The following COL10A1 variants were observed in gnomAD, a reference collection of about 807,000 sequenced individuals.
The protein encoded by COL10A1 is collagen type X alpha 1 chain.
A neutral mutation model predicts 18.2 loss-of-function variants in COL10A1; 10 were observed. The ratio of observed to expected loss-of-function variants is 0.55; its 90% confidence interval spans 0.34 to 0.93. The LOEUF (loss-of-function observed/expected upper bound fraction) is 0.93, where lower values mean the gene tolerates loss of function less well. Ranked by LOEUF, COL10A1 falls within the 40% of genes least tolerant of loss-of-function variation. COL10A1 has a pLI of 0.02. For missense variants in COL10A1, 897 were observed against 853.5 expected (o/e 1.05, Z -0.64); for synonymous variants, 330 against 316.6 (o/e 1.04, Z -0.45).
At chr6:116,197,487 A>T in the COL10A1 span, among the ~76,000 whole-genome samples, 2 of 151,996 alleles carry the variant, frequency 1.3e-5, no homozygotes, top group Non-Finnish European at 2.9e-5. Context: ...ACCACCTTTT[A>T]CCTCTGCCAC....
chr6:116,185,867 A>C, the COL10A1 span, among the ~76,000 whole-genome samples: 1 of 152,022 alleles, frequency 6.6e-6, no homozygotes, highest in East Asian at 1.9e-4. Flanking sequence ...TTTACATTCA[A>C]CGTTAGTATT....
chr6:116,138,272 A>G (rs1779663346), intron 1 of COL10A1, among the ~76,000 whole-genome samples: 1 of 152,226 alleles, frequency 6.6e-6, no homozygotes, highest in Non-Finnish European at 1.5e-5. Context: ...ATCCTAGCCA[A>G]GATCACCATG....
chr6:116,134,229 CT>C (rs1779535024), intron 1 of COL10A1, among the ~76,000 whole-genome samples: 1 of 152,188 alleles, frequency 6.6e-6, no homozygotes, highest in African/African-American at 2.4e-5. Flanking sequence ...CAGACTTTTT[CT>C]GACCCTCTAT....
At chr6:116,186,385 T>G in the COL10A1 span, among the ~76,000 whole-genome samples, 1 of 151,712 alleles carries the variant, frequency 6.6e-6, no homozygotes, top group South Asian at 2.1e-4. Flanking sequence ...ATTTCCCAGG[T>G]GTTCTTCCCA....
At chr6:116,172,308 C>T in the COL10A1 span, among the ~76,000 whole-genome samples, 1 of 148,444 alleles carries the variant, frequency 6.7e-6, no homozygotes, top group Non-Finnish European at 1.5e-5. Context: ...TAGTATAACC[C>T]CTTAGTAACT....
chr6:116,121,631 C>T lies in COL10A1; in HGVS notation c.485G>A (p.Gly162Glu). The T allele has an allele frequency of 6.2e-7, 1 of 1,614,006 alleles. No homozygotes were observed. Among genetic ancestry groups the T allele is most frequent in the Non-Finnish European group, 8.5e-7 (1 of 1,179,904 alleles). Residue 162 changes from glycine (G) to glutamate (E), a missense_variant, in exon 3 of 3, where the codon GGA (glycine) becomes GAA (glutamate). Gly to Glu is a moderately conservative substitution (Grantham distance 98). Coordinates refer to ENST00000651968, the MANE Select transcript of COL10A1 (RefSeq NM_000493.4). ...CCTGGGTCCTGGGGCTCCTGTGGGT[C>T]CCTGTTGTCCAGGTTTTCCTGGCAC... ...ISVPGKPGQQ[G>E]PTGAPGPRGF...
the COL10A1 span, among the ~76,000 whole-genome samples, chr6:116,178,054 TGTGTGTG>T: frequency 1.7e-5 from 1 of 59,490 alleles, no homozygotes; most frequent in African/African-American, 1.5e-4. Context: ...AAGAGGAAAG[TGTGTGTG>T]TGTGTGTGTG....
At chr6:116,168,305 G>T in the COL10A1 span, among the ~76,000 whole-genome samples, 1 of 151,302 alleles carries the variant, frequency 6.6e-6, no homozygotes, top group Non-Finnish European at 1.5e-5. Context: ...TCTGCCTTTT[G>T]TTCTGTTTTC....
Position 116,119,862 on chromosome 6 carries a change from C to G in COL10A1, c.*211G>C. 1.8e-6 allele frequency: 1 copy of G among 562,402 alleles called. No individual in the cohort carries two copies. Among genetic ancestry groups the G allele is most frequent in the Non-Finnish European group, 3.1e-6 (1 of 318,120 alleles). The allele number at this position is 562,402 out of a possible 1,614,324, so 34.8% of individuals were successfully genotyped here. On this transcript the variant is annotated 3_prime_UTR_variant, in exon 3 of 3. Coordinates refer to ENST00000651968, the MANE Select transcript of COL10A1 (RefSeq NM_000493.4). ...AAAACCTTAAAGAGCCTTAAGATTGCTAACTAGAAATTCAAGAGAGGCTTC... is the reference window on the plus strand; with the variant it reads ...AAAACCTTAAAGAGCCTTAAGATTGGTAACTAGAAATTCAAGAGAGGCTTC...
chr6:116,168,571 C>G, the COL10A1 span, among the ~76,000 whole-genome samples: 1 of 152,142 alleles, frequency 6.6e-6, no homozygotes, highest in African/African-American at 2.4e-5. Context: ...AGTCTGTCTT[C>G]ATGCCATAGG....
intron 1 of COL10A1, among the ~76,000 whole-genome samples, chr6:116,135,969 C>T (rs1453360588): frequency 3.3e-5 from 5 of 150,796 alleles, no homozygotes; most frequent in Admixed American, 2.0e-4. Context: ...ACTCTTTTAG[C>T]GTATTTTAAG....
At chr6:116,194,340 C>G in the COL10A1 span, among the ~76,000 whole-genome samples, 1 of 151,976 alleles carries the variant, frequency 6.6e-6, no homozygotes, top group African/African-American at 2.4e-5. Context: ...ATATTCATAA[C>G]AGAGTAAACA....
chr6:116,169,061 A>C, the COL10A1 span, among the ~76,000 whole-genome samples: 2 of 152,170 alleles, frequency 1.3e-5, no homozygotes, highest in South Asian at 2.1e-4. Flanking sequence ...TTGTCCTCCA[A>C]GCCTCTTGAA....
At chr6:116,129,609 T>G (rs1483760806), upstream of COL10A1, among the ~76,000 whole-genome samples, 1 of 152,178 alleles carries the variant, frequency 6.6e-6, no homozygotes, top group Non-Finnish European at 1.5e-5. Context: ...GCATGAACGC[T>G]CTCTCCAGAT....
At chr6:116,173,400 G>A in the COL10A1 span, among the ~76,000 whole-genome samples, 4,753 of 152,258 alleles carry the variant, frequency 0.031, 266 homozygotes, top group African/African-American at 0.11. Context: ...AAACACTGAC[G>A]GTTCCTTCCA....
At chr6:116,186,814 G>T in the COL10A1 span, among the ~76,000 whole-genome samples, 1 of 151,616 alleles carries the variant, frequency 6.6e-6, no homozygotes, top group Non-Finnish European at 1.5e-5. Flanking sequence ...CTTTAAGTTG[G>T]ACTTGTGCCT....
the COL10A1 span, among the ~76,000 whole-genome samples, chr6:116,172,822 C>T: frequency 6.6e-6 from 1 of 151,982 alleles, no homozygotes; most frequent in Non-Finnish European, 1.5e-5. Flanking sequence ...TGAAATTTGA[C>T]CTTTAGGAAA....
At chr6:116,122,130 A>T (rs1030493040) in intron 2 of COL10A1, among the ~76,000 whole-genome samples, 169 bp from the exon 3 acceptor site, 2 of 152,228 alleles carry the variant, frequency 1.3e-5, no homozygotes, top group African/African-American at 2.4e-5. Context: ...ATACTGTTTT[A>T]AAAAATTCTG....
At chr6:116,133,925 GT>G (rs768451269) in intron 1 of COL10A1, among the ~76,000 whole-genome samples, 15 of 152,218 alleles carry the variant, frequency 9.9e-5, no homozygotes, top group African/African-American at 2.6e-4. Flanking sequence ...ATTAATAGTG[GT>G]TTTTTTCCCC....
Sources: gnomAD v4.1 joint callset for allele counts (sites outside exome capture counted in the v4.1 genomes callset) on GRCh38, gnomAD v4.1.1 for gene constraint, MANE v1.5 for transcripts, NCBI Gene and HGNC (gene_info 2026-07-23, HGNC 2026-07-21) for gene names.